DAB1: variants seen among roughly 807,000 people sequenced by gnomAD.
DAB1 encodes DAB adaptor protein 1.
DAB1 carries 15 observed loss-of-function variants against 64.6 expected under a neutral mutation model. The observed-to-expected ratio is 0.23, with a 90% CI of 0.16 to 0.36. DAB1 has a LOEUF of 0.36. Ranked by LOEUF, DAB1 falls within the 10% of genes least tolerant of loss-of-function variation. The pLI is 1.00. For missense variants in DAB1, 596 were observed against 706.7 expected, an observed-to-expected ratio of 0.84 and a Z score of 1.78; for synonymous variants, 235 against 251.9, an observed-to-expected ratio of 0.93 and a Z score of 0.64.
chr1:57,062,780 C>T, intron 9 of DAB1, 104 bp downstream of exon 9: 1 of 924,994 alleles, frequency 1.1e-6, no homozygotes, highest in East Asian at 2.5e-5. Flanking sequence ...CATGTGGGGC[C>T]ATGACACTCA....
chr1:57,604,190 G>A (rs546499967), intron 7 of DAB1, among the ~76,000 whole-genome samples: 19 of 152,268 alleles, frequency 1.2e-4, no homozygotes, highest in African/African-American at 3.9e-4. Flanking sequence ...CACTGGAAGT[G>A]GAGTCAAAAA....
upstream of DAB1, among the ~76,000 whole-genome samples, chr1:57,888,376 A>G (rs1226283117): frequency 1.3e-5 from 2 of 152,154 alleles, no homozygotes; most frequent in Admixed American, 1.3e-4. Context: ...AATCACAGTA[A>G]ACAAGCCCTC....
intron 1 of DAB1, among the ~76,000 whole-genome samples, chr1:57,320,092 G>A (rs1675575105): frequency 6.6e-6 from 1 of 152,184 alleles, no homozygotes; most frequent in South Asian, 2.1e-4. Context: ...TAAGTACTGT[G>A]ATAGGGTTTG....
chr1:58,416,362 T>C (rs927445283), intron 3 of DAB1, among the ~76,000 whole-genome samples: 3 of 152,160 alleles, frequency 2.0e-5, no homozygotes, highest in Admixed American at 1.3e-4. Context: ...AGACTGGGTA[T>C]AATAATGCTA....
At chr1:58,497,093 C>CA (rs1557441592) in intron 3 of DAB1, among the ~76,000 whole-genome samples, 1 of 152,076 alleles carries the variant, frequency 6.6e-6, no homozygotes, top group Non-Finnish European at 1.5e-5. Context: ...ATATCCTTCC[C>CA]AAAATTTAAT....
chr1:58,155,128 A>C (rs1454768488), intron 4 of DAB1, among the ~76,000 whole-genome samples: 2 of 152,208 alleles, frequency 1.3e-5, no homozygotes, highest in Non-Finnish European at 2.9e-5. Context: ...AGCTGGTACT[A>C]ATGTTACCTA....
intron 2 of DAB1, among the ~76,000 whole-genome samples, chr1:57,271,965 T>C (rs1671045138): frequency 6.6e-6 from 1 of 152,132 alleles, no homozygotes; most frequent in South Asian, 2.1e-4. Context: ...AGATGGGATC[T>C]TGGATGGAGA....
At chr1:58,302,376 A>T (rs1662193105) in intron 4 of DAB1, among the ~76,000 whole-genome samples, 1 of 149,796 alleles carries the variant, frequency 6.7e-6, no homozygotes, top group Admixed American at 6.7e-5. Flanking sequence ...TGGGGCCTTA[A>T]GAGAGAGAGA....
At chr1:57,507,750 A>T (rs1197993243) in intron 7 of DAB1, among the ~76,000 whole-genome samples, 1 of 152,184 alleles carries the variant, frequency 6.6e-6, no homozygotes, top group Non-Finnish European at 1.5e-5. Flanking sequence ...TGACCTCATC[A>T]GTTAGTATCT....
At chr1:58,030,491 A>ATGT (rs1646956237) in intron 5 of DAB1, among the ~76,000 whole-genome samples, 1 of 152,238 alleles carries the variant, frequency 6.6e-6, no homozygotes, top group Non-Finnish European at 1.5e-5. Flanking sequence ...AGAGCCACAG[A>ATGT]TTAAACAAGA....
At chr1:57,697,180 G>A (rs1646854516) in intron 6 of DAB1, among the ~76,000 whole-genome samples, 1 of 151,944 alleles carries the variant, frequency 6.6e-6, no homozygotes, top group Non-Finnish European at 1.5e-5. Context: ...ACAGTTCCTG[G>A]CATATAATAG....
chr1:57,748,406 T>C (rs1648387277), intron 6 of DAB1, among the ~76,000 whole-genome samples: 2 of 152,214 alleles, frequency 1.3e-5, no homozygotes, highest in Non-Finnish European at 2.9e-5. Context: ...ATTCTTAAAA[T>C]GAGAATGCGA....
intron 7 of DAB1, among the ~76,000 whole-genome samples, chr1:57,524,794 T>C (rs571797949): frequency 7.2e-5 from 11 of 152,306 alleles, no homozygotes; most frequent in Non-Finnish European, 7.4e-5. Flanking sequence ...TCAGGCCATC[T>C]GGATGTATAC....
chr1:58,447,841 C>A (rs1232946989), intron 3 of DAB1, among the ~76,000 whole-genome samples: 1 of 98,860 alleles, frequency 1.0e-5, no homozygotes, highest in African/African-American at 3.7e-5. Context: ...ATTAACTCAA[C>A]TAAAAATGAC....
At chr1:57,701,800 A>G (rs537890578) in intron 6 of DAB1, among the ~76,000 whole-genome samples, 1 of 151,780 alleles carries the variant, frequency 6.6e-6, no homozygotes, top group Admixed American at 6.6e-5. Flanking sequence ...CCTCTAATAT[A>G]TTTTTTCAGT....
At chr1:57,948,116 G>C (rs892606059) in intron 5 of DAB1, among the ~76,000 whole-genome samples, 1 of 152,082 alleles carries the variant, frequency 6.6e-6, no homozygotes, top group African/African-American at 2.4e-5. Flanking sequence ...ACTGAGCTCA[G>C]GTATATCTCT....
At chr1:57,808,637 T>C (rs2101881449) in intron 6 of DAB1, among the ~76,000 whole-genome samples, 1 of 152,306 alleles carries the variant, frequency 6.6e-6, no homozygotes, top group South Asian at 2.1e-4. Flanking sequence ...TGTTCACAAC[T>C]TTAGGAATAC....
In DAB1 at chr1:57,630,734, A is replaced by G. The variant is rs369544211; in HGVS notation, n.625+18858T>C. ...GATGACCAAATTGTGGAATTAAAATATACTCTGCTATTTTACCACTGAAAT... is the reference window on the plus strand; with the variant it reads ...GATGACCAAATTGTGGAATTAAAATGTACTCTGCTATTTTACCACTGAAAT... On this transcript the variant is annotated intron_variant and non_coding_transcript_variant, in intron 7 of 20. Transcript: ENST00000485760. Among the ~76,000 whole-genome samples, 14 of 152,342 alleles carry G rather than the reference A, an allele frequency of 9.2e-5. 1 individual carries two copies. Among genetic ancestry groups the G allele is most frequent in the African/African-American group, 3.4e-4 (14 of 41,574 alleles).
At chr1:57,847,508 G>T (rs2897383) in intron 1 of DAB1, among the ~76,000 whole-genome samples, 4,798 of 152,090 alleles carry the variant, frequency 0.032, 112 homozygotes, top group East Asian at 0.13. Flanking sequence ...GCTTACAAAA[G>T]ACAAACGGTA....
Sources: allele counts gnomAD v4.1 joint callset (sites outside exome capture counted in the v4.1 genomes callset), GRCh38; gene constraint gnomAD v4.1.1; transcripts MANE v1.5; gene names NCBI Gene and HGNC (gene_info 2026-07-23, HGNC 2026-07-21).